The following RPAP2 variants were observed in gnomAD, a reference collection of about 807,000 sequenced individuals.
RPAP2 encodes the protein RNA polymerase II associated protein 2, also known as putative RNA polymerase II subunit B1 CTD phosphatase RPAP2.
Under a neutral mutation model 73.1 loss-of-function variants are expected in RPAP2, and 52 were observed. The observed-to-expected ratio is 0.71, with a 90% CI of 0.57 to 0.90. The LOEUF (loss-of-function observed/expected upper bound fraction) is 0.90, where lower values mean the gene tolerates loss of function less well. Ranked by LOEUF, RPAP2 falls within the 40% of genes least tolerant of loss-of-function variation. The probability of loss-of-function intolerance (pLI) is 0.00; values close to 1 mark genes in which losing one functional copy is unlikely to be tolerated. For synonymous variants in RPAP2, 225 were observed against 242.1 expected (o/e 0.93, Z 0.65); for missense variants, 598 against 701.8 (o/e 0.85, Z 1.67).
chr1:92,354,889 A>AT lies in RPAP2; in HGVS notation c.1688+8975_1688+8976insT, dbSNP rs1407192939. ...AAATAAATGCAATTTTAATTTATGT[A>AT]AATTATTATTATTATTATTATTATT... On this transcript the variant is annotated intron_variant, in intron 11 of 12. Transcript: ENST00000610020. 2.7e-3 allele frequency among the ~76,000 whole-genome samples: 399 copies of AT among 147,256 alleles called. 3 individuals carry two copies. The highest frequency in any genetic ancestry group is 9.1e-3 in the African/African-American group (356 of 39,080).
chr1:92,317,797 C>G (rs1652010000), intron 6 of RPAP2, among the ~76,000 whole-genome samples: 1 of 152,096 alleles, frequency 6.6e-6, no homozygotes, highest in East Asian at 1.9e-4. Flanking sequence ...TTTTAATTCT[C>G]AAAAAATAAC....
At chr1:92,379,789 G>A (rs1187081260) in intron 11 of RPAP2, among the ~76,000 whole-genome samples, 1 of 151,370 alleles carries the variant, frequency 6.6e-6, no homozygotes, top group Non-Finnish European at 1.5e-5. Flanking sequence ...ACAAAAATTA[G>A]CCAGGCGTGG....
Position 92,304,359 on chromosome 1 carries a change from A to G in RPAP2, c.399+10A>G. ...TATTACTGAAAGAAAGGTGAGTTTAAAGGCTTTCATTGTGGCAATTAATTT... is the reference window on the plus strand; with the variant it reads ...TATTACTGAAAGAAAGGTGAGTTTAGAGGCTTTCATTGTGGCAATTAATTT... On this transcript the variant is annotated intron_variant, in intron 5 of 12. Coordinates refer to ENST00000610020, the MANE Select transcript of RPAP2 (RefSeq NM_024813.3). 1 of 1,468,242 alleles carries G rather than the reference A, an allele frequency of 6.8e-7. No homozygotes were observed. Among genetic ancestry groups the G allele is most frequent in the Non-Finnish European group, 9.3e-7 (1 of 1,071,752 alleles). 91.0% of individuals were successfully genotyped at this position (1,468,242 alleles called of 1,614,324 possible).
In RPAP2 at chr1:92,393,553, G is replaced by A. The variant is rs527913370; in HGVS notation, c.*6542G>A. The A allele has an allele frequency of 6.6e-6, 1 of 152,212 alleles. No homozygotes were observed. Among genetic ancestry groups the A allele is most frequent in the South Asian group, 2.1e-4 (1 of 4,816 alleles). 9.4% of individuals were successfully genotyped at this position (152,212 alleles called of 1,614,324 possible). On this transcript the variant is annotated 3_prime_UTR_variant, in exon 13 of 13. Coordinates refer to ENST00000610020, the MANE Select transcript of RPAP2 (RefSeq NM_024813.3). ...AGTGAACAGGCAACCTACAGAATGG[G>A]AGAACATTTTTGCAATATATCCATC... is the stretch of plus-strand genomic sequence containing the variant.
intron 6 of RPAP2, among the ~76,000 whole-genome samples, chr1:92,318,490 T>G (rs1407521764): frequency 1.3e-5 from 2 of 152,204 alleles, no homozygotes; most frequent in African/African-American, 4.8e-5. Context: ...TCCCACCTTT[T>G]TTTTCTTTCT....
At chr1:92,347,219 A>G (rs1653949636) in intron 11 of RPAP2, among the ~76,000 whole-genome samples, 1 of 152,222 alleles carries the variant, frequency 6.6e-6, no homozygotes, top group South Asian at 2.1e-4. Context: ...CATTTCTACT[A>G]TTCAGTGTTC....
At chr1:92,310,657 G>A (rs1237131958) in intron 6 of RPAP2, among the ~76,000 whole-genome samples, 1 of 152,072 alleles carries the variant, frequency 6.6e-6, no homozygotes, top group Admixed American at 6.5e-5. Context: ...CAGCATTTGG[G>A]AGGCCGAGAC....
At chr1:92,359,953 C>T (rs1016254614) in intron 11 of RPAP2, among the ~76,000 whole-genome samples, 7 of 152,188 alleles carry the variant, frequency 4.6e-5, no homozygotes, top group African/African-American at 1.7e-4. Context: ...AATGCAAACA[C>T]TGCTAGACTC....
intron 10 of RPAP2, among the ~76,000 whole-genome samples, chr1:92,338,293 C>G (rs186717844): frequency 1.5e-3 from 229 of 152,328 alleles, no homozygotes; most frequent in African/African-American, 5.2e-3. Flanking sequence ...TGATCACTCA[C>G]AAGTTCAGGG....
intron 8 of RPAP2, among the ~76,000 whole-genome samples, chr1:92,329,242 G>A (rs751578653): frequency 7.2e-5 from 11 of 152,120 alleles, no homozygotes; most frequent in Admixed American, 2.6e-4. Flanking sequence ...CTTTGTCTTC[G>A]GCTACCAGGG....
intron 11 of RPAP2, among the ~76,000 whole-genome samples, chr1:92,353,077 T>A (rs1157743535): frequency 6.6e-6 from 1 of 152,246 alleles, no homozygotes; most frequent in Non-Finnish European, 1.5e-5. Flanking sequence ...ATACCACATT[T>A]GTTTATTCAT....
chr1:92,369,047 G>A (rs1247302536), intron 11 of RPAP2, among the ~76,000 whole-genome samples: 1 of 152,164 alleles, frequency 6.6e-6, no homozygotes, highest in Admixed American at 6.5e-5. Flanking sequence ...GATAGCCTGT[G>A]TTAAGCCATC....
intron 6 of RPAP2, among the ~76,000 whole-genome samples, chr1:92,315,052 A>G (rs1651829212): frequency 6.6e-6 from 1 of 152,180 alleles, no homozygotes; most frequent in Non-Finnish European, 1.5e-5. Context: ...TCAAAATCAT[A>G]AATAAATAAA....
rs1656277829 is a variant in RPAP2, at chr1:92,400,047, A to G, written c.*13036A>G. The G allele has an allele frequency of 6.6e-6, 1 of 152,250 alleles. No individual in the cohort carries two copies. Among genetic ancestry groups the G allele is most frequent in the Non-Finnish European group, 1.5e-5 (1 of 68,046 alleles). 9.4% of individuals were successfully genotyped at this position (152,250 alleles called of 1,614,324 possible). A position where few individuals can be genotyped will look rare whatever the true frequency, so the allele number is the denominator to read the frequency against. On this transcript the variant is annotated 3_prime_UTR_variant, in exon 13 of 13. Coordinates refer to ENST00000610020, the MANE Select transcript of RPAP2 (RefSeq NM_024813.3). ...ATCTTCCACAAGATCAGCCAGTTTT[A>G]GCAGAGCAGTTGCTAAAACCCAGGT...
chr1:92,346,662 T>C (rs1653920195), intron 11 of RPAP2, among the ~76,000 whole-genome samples: 1 of 152,208 alleles, frequency 6.6e-6, no homozygotes, highest in Admixed American at 6.5e-5. Context: ...TTAATGTACA[T>C]TTTTAAAATC....
At chr1:92,384,838 ATCCT>A (rs1195573888) in intron 12 of RPAP2, among the ~76,000 whole-genome samples, 7 of 152,074 alleles carry the variant, frequency 4.6e-5, no homozygotes, top group Non-Finnish European at 7.4e-5. Flanking sequence ...AGTCCATGAC[ATCCT>A]TTGTACATTG....
At chr1:92,385,846 G>A (rs1274192704) in intron 12 of RPAP2, among the ~76,000 whole-genome samples, 1 of 152,214 alleles carries the variant, frequency 6.6e-6, no homozygotes, top group Non-Finnish European at 1.5e-5. Flanking sequence ...TGAACTGGGA[G>A]CCTCTGGCTC....
chr1:92,352,309 C>A (rs6672119), intron 11 of RPAP2, among the ~76,000 whole-genome samples: 2 of 152,162 alleles, frequency 1.3e-5, no homozygotes, highest in African/African-American at 4.8e-5. Context: ...TGACCATGAT[C>A]GCTAAACAAA....
Position 92,396,513 on chromosome 1 carries a change from C to T in RPAP2, c.*9502C>T, listed in dbSNP as rs1412494195. 6.6e-6 allele frequency: 1 copy of T among 152,120 alleles called. No homozygotes were observed. The highest frequency in any genetic ancestry group is 6.6e-5 in the Admixed American group (1 of 15,266). 9.4% of individuals were successfully genotyped at this position (152,120 alleles called of 1,614,324 possible). A position where few individuals can be genotyped will look rare whatever the true frequency, so the allele number is the denominator to read the frequency against. The stretch of plus-strand genomic sequence containing the variant: ...ATTTACAGTCCAGAAAAGGCATATA[C>T]TAAATTAGCAGTTGCATGGGTCTGA... On this transcript the variant is annotated 3_prime_UTR_variant, in exon 13 of 13. Transcript: ENST00000610020.
Sources: gnomAD v4.1 joint callset for allele counts (sites outside exome capture counted in the v4.1 genomes callset) on GRCh38, gnomAD v4.1.1 for gene constraint, MANE v1.5 for transcripts, NCBI Gene and HGNC (gene_info 2026-07-23, HGNC 2026-07-21) for gene names.